Variants in SEC31A observed in about 807,000 individuals in gnomAD.
SEC31A encodes protein transport protein Sec31A.
A neutral mutation model predicts 151.0 loss-of-function variants in SEC31A; 70 were observed. That is an observed-to-expected ratio of 0.46 (90% CI 0.38 to 0.57). The LOEUF is 0.57. Among genes scored for constraint, SEC31A ranks in the 20% least tolerant of loss-of-function variants. SEC31A has a pLI of 0.00. For synonymous variants in SEC31A, 475 were observed against 505.9 expected, an observed-to-expected ratio of 0.94 and a Z score of 0.82; for missense variants, 1,330 against 1,471.2, an observed-to-expected ratio of 0.90 and a Z score of 1.57.
At chr4:82,837,920 T>C (rs908694198) in intron 22 of SEC31A, among the ~76,000 whole-genome samples, 1 of 152,196 alleles carries the variant, frequency 6.6e-6, no homozygotes, top group Non-Finnish European at 1.5e-5. Context: ...GCCAAAAGCA[T>C]AGAGAATTGT....
intron 14 of SEC31A, among the ~76,000 whole-genome samples, chr4:82,858,629 C>T (rs142696422): frequency 5.7e-4 from 84 of 147,958 alleles, no homozygotes; most frequent in African/African-American, 1.9e-3. Flanking sequence ...AGTAATGAGG[C>T]TGAAGAATCT....
intron 4 of SEC31A, among the ~76,000 whole-genome samples, chr4:82,876,774 ATCC>A (rs1738060178): frequency 6.6e-6 from 1 of 152,234 alleles, no homozygotes; most frequent in Non-Finnish European, 1.5e-5. Context: ...ACTGACCTTC[ATCC>A]ACTACTATTT....
intron 19 of SEC31A, among the ~76,000 whole-genome samples, chr4:82,849,629 A>AG (rs1216488911): frequency 9.9e-5 from 15 of 151,344 alleles, no homozygotes; most frequent in African/African-American, 3.4e-4. Context: ...AAAAAAAAAA[A>AG]AACTATAACT....
chr4:82,852,576 T>C (rs994102102), intron 18 of SEC31A, among the ~76,000 whole-genome samples: 30 of 138,924 alleles, frequency 2.2e-4, no homozygotes, highest in African/African-American at 7.4e-4. Context: ...AAAACCTTGA[T>C]TTCCTACCCA....
At chr4:82,824,517 A>C in intron 25 of SEC31A, 38 bp downstream of exon 25, 1 of 1,602,022 alleles carries the variant, frequency 6.2e-7, no homozygotes, top group Non-Finnish European at 8.5e-7. Flanking sequence ...GGATTCTTCT[A>C]ATTAAGCAAA....
chr4:82,875,438 C>A (rs1006349999), intron 5 of SEC31A, among the ~76,000 whole-genome samples: 2 of 152,188 alleles, frequency 1.3e-5, no homozygotes, highest in African/African-American at 4.8e-5. Flanking sequence ...TATACTATAT[C>A]TAAGACAATT....
intron 22 of SEC31A, among the ~76,000 whole-genome samples, chr4:82,840,361 G>C (rs1308398671): frequency 6.6e-6 from 1 of 151,892 alleles, no homozygotes; most frequent in Admixed American, 6.6e-5. Context: ...ACCGAGAAAG[G>C]ATACTATCTT....
At chr4:82,840,219 G>A (rs1728420292) in intron 22 of SEC31A, among the ~76,000 whole-genome samples, 1 of 151,908 alleles carries the variant, frequency 6.6e-6, no homozygotes, top group Non-Finnish European at 1.5e-5. Context: ...TATAACAAGT[G>A]CCAGAACATG....
upstream of SEC31A, chr4:82,895,648 C>A (rs1720031981): frequency 6.6e-6 from 1 of 152,154 alleles, no homozygotes; most frequent in South Asian, 2.1e-4. Context: ...CATACCTGAC[C>A]TTTTCTGTGT....
At chr4:82,888,069 A>C (rs1180098993) in intron 1 of SEC31A, among the ~76,000 whole-genome samples, 1 of 129,560 alleles carries the variant, frequency 7.7e-6, no homozygotes, top group Admixed American at 8.1e-5. Flanking sequence ...AAACAAACAA[A>C]CAACAACAAA....
intron 13 of SEC31A, among the ~76,000 whole-genome samples, chr4:82,862,132 T>C (rs986520127): frequency 1.3e-5 from 2 of 151,350 alleles, no homozygotes; most frequent in East Asian, 3.9e-4. Flanking sequence ...AGGCTGGTCT[T>C]GAACTCCTGA....
chr4:82,877,184 C>T (rs377131129), intron 4 of SEC31A, among the ~76,000 whole-genome samples: 2 of 152,084 alleles, frequency 1.3e-5, no homozygotes, highest in African/African-American at 4.8e-5. Context: ...AGTCATGAGC[C>T]ACTGCAGTCC....
chr4:82,844,190 C>T, intron 21 of SEC31A, 196 bp downstream of exon 21: 1 of 522,640 alleles, frequency 1.9e-6, no homozygotes, highest in Non-Finnish European at 3.3e-6. Context: ...AACAGTGTGA[C>T]AAAGGAGCTA....
intron 7 of SEC31A, among the ~76,000 whole-genome samples, chr4:82,871,028 T>C (rs1397749968): frequency 6.6e-6 from 1 of 152,042 alleles, no homozygotes; most frequent in Non-Finnish European, 1.5e-5. Flanking sequence ...ACCAAAAAAT[T>C]TGAAAATCAG....
intron 18 of SEC31A, among the ~76,000 whole-genome samples, chr4:82,852,220 A>C (rs1731599142): frequency 6.6e-6 from 1 of 152,150 alleles, no homozygotes; most frequent in Admixed American, 6.5e-5. Flanking sequence ...AGGCCTCCCC[A>C]GTCATGTGGA....
chr4:82,882,459 C>G (rs1049819622), intron 1 of SEC31A, among the ~76,000 whole-genome samples: 1 of 127,018 alleles, frequency 7.9e-6, no homozygotes, highest in Non-Finnish European at 1.6e-5. Context: ...CATTTTGAGA[C>G]AAATACTGGG....
At chr4:82,843,607 T>A (rs1399735041) in intron 21 of SEC31A, 2 of 152,234 alleles carry the variant, frequency 1.3e-5, no homozygotes, top group African/African-American at 4.8e-5. Flanking sequence ...TTCATATTTA[T>A]GTTGAACAAT....
chr4:82,839,133 C>T (rs891958681), intron 22 of SEC31A, among the ~76,000 whole-genome samples: 4 of 151,912 alleles, frequency 2.6e-5, no homozygotes, highest in African/African-American at 4.8e-5. Flanking sequence ...CCCGCCACCA[C>T]GTCCAGCTAA....
At chr4:82,857,475 A>C (rs1266474561) in intron 15 of SEC31A, among the ~76,000 whole-genome samples, 2 of 152,168 alleles carry the variant, frequency 1.3e-5, no homozygotes, top group Admixed American at 6.5e-5. Flanking sequence ...CACCTGTGAT[A>C]AAACTTTTTT....
Sources: allele counts gnomAD v4.1 joint callset (sites outside exome capture counted in the v4.1 genomes callset), GRCh38; gene constraint gnomAD v4.1.1; transcripts MANE v1.5; gene names NCBI Gene and HGNC (gene_info 2026-07-23, HGNC 2026-07-21).